Variants in R3HCC1L observed in about 807,000 individuals in gnomAD.
The protein encoded by R3HCC1L is coiled-coil domain-containing protein R3HCC1L.
In R3HCC1L, 51 loss-of-function variants were observed where a neutral mutation model predicts 59.9. That is an observed-to-expected ratio of 0.85 (90% CI 0.68 to 1.07). R3HCC1L has a LOEUF of 1.07. Among genes scored for constraint, R3HCC1L ranks in the 50% least tolerant of loss-of-function variants. The probability of loss-of-function intolerance (pLI) is 0.00; values close to 1 mark genes in which losing one functional copy is unlikely to be tolerated. For missense variants in R3HCC1L, 965 were observed against 933.0 expected (o/e 1.03, Z -0.45); for synonymous variants, 322 against 315.2 (o/e 1.02, Z -0.23).
intron 4 of R3HCC1L, among the ~76,000 whole-genome samples, chr10:98,186,121 A>G (rs1293880814): frequency 1.3e-5 from 2 of 152,200 alleles, no homozygotes; most frequent in Non-Finnish European, 2.9e-5. Context: ...GGGAGAGTAG[A>G]AGAAAGGACC....
At chr10:98,232,537 G>C (rs1358962417) in intron 6 of R3HCC1L, among the ~76,000 whole-genome samples, 2 of 152,176 alleles carry the variant, frequency 1.3e-5, no homozygotes, top group Non-Finnish European at 2.9e-5. Context: ...GGAATAAAGA[G>C]ATGATAATCC....
chr10:98,186,070 T>C (rs567372276), intron 4 of R3HCC1L, among the ~76,000 whole-genome samples: 2 of 152,326 alleles, frequency 1.3e-5, no homozygotes, highest in East Asian at 3.9e-4. Flanking sequence ...AATCTTGGTA[T>C]GTTTCTGTAG....
At chr10:98,236,918 T>C (rs1857027567) in intron 9 of R3HCC1L, among the ~76,000 whole-genome samples, 1 of 152,254 alleles carries the variant, frequency 6.6e-6, no homozygotes, top group Non-Finnish European at 1.5e-5. Context: ...TCCTGGAATC[T>C]GTGAAGGCAA....
intron 5 of R3HCC1L, among the ~76,000 whole-genome samples, chr10:98,212,318 G>A (rs1363071393): frequency 1.3e-5 from 2 of 152,122 alleles, no homozygotes; most frequent in African/African-American, 4.8e-5. Flanking sequence ...TCCAACTAAA[G>A]GTTTTTGGCT....
chr10:98,152,142 A>T (rs1263062466), intron 1 of R3HCC1L, among the ~76,000 whole-genome samples: 2 of 152,082 alleles, frequency 1.3e-5, no homozygotes, highest in African/African-American at 4.8e-5. Context: ...TTTGGTGGAG[A>T]CGGGGTTTCG....
At chr10:98,155,801 G>A (rs533107424) in intron 1 of R3HCC1L, among the ~76,000 whole-genome samples, 4 of 149,714 alleles carry the variant, frequency 2.7e-5, no homozygotes, top group South Asian at 2.1e-4. Flanking sequence ...TTGATTTACT[G>A]GTTTTTTTTT....
intron 9 of R3HCC1L, among the ~76,000 whole-genome samples, chr10:98,236,655 G>GT (rs1856996246): frequency 6.6e-6 from 1 of 152,184 alleles, no homozygotes; most frequent in Non-Finnish European, 1.5e-5. Context: ...ACAGTCCTGA[G>GT]TGGCTCCATT....
intron 1 of R3HCC1L, among the ~76,000 whole-genome samples, chr10:98,140,917 C>A (rs1019633935): frequency 1.3e-5 from 2 of 151,824 alleles, no homozygotes; most frequent in Non-Finnish European, 2.9e-5. Context: ...ATATAACTTA[C>A]TATAGAAAAC....
chr10:98,229,764 T>C (rs942724492), intron 5 of R3HCC1L, among the ~76,000 whole-genome samples: 7 of 152,188 alleles, frequency 4.6e-5, no homozygotes. Context: ...CATCAATACC[T>C]AATTTATTGA....
chr10:98,136,968 T>C (rs1178906215), intron 1 of R3HCC1L, among the ~76,000 whole-genome samples: 1 of 152,170 alleles, frequency 6.6e-6, no homozygotes, highest in East Asian at 1.9e-4. Context: ...CCTGGCACTT[T>C]GGGAGGCCGA....
In R3HCC1L at chr10:98,244,252, G is replaced by T; in HGVS notation, c.*94G>T. 2 of 1,188,338 alleles carry T rather than the reference G, an allele frequency of 1.7e-6. No homozygotes were observed. Among genetic ancestry groups the T allele is most frequent in the Non-Finnish European group, 2.5e-6 (2 of 807,082 alleles). 73.6% of individuals were successfully genotyped at this position (1,188,338 alleles called of 1,614,324 possible). On this transcript the variant is annotated 3_prime_UTR_variant, in exon 10 of 10. Coordinates refer to ENST00000298999, the MANE Select transcript of R3HCC1L (RefSeq NM_001351015.2). ...CCTTCCAGAGCTCTATGTACATGCA[G>T]ATGTGCATGTTAAAGAGATAAAGTG...
chr10:98,178,210 A>C (rs1252001472), intron 4 of R3HCC1L, among the ~76,000 whole-genome samples: 1 of 152,168 alleles, frequency 6.6e-6, no homozygotes, highest in Non-Finnish European at 1.5e-5. Context: ...CTAACATTTA[A>C]GTCTTTAATC....
At chr10:98,196,001 G>T (rs1382242921) in intron 4 of R3HCC1L, among the ~76,000 whole-genome samples, 1 of 152,178 alleles carries the variant, frequency 6.6e-6, no homozygotes, top group Non-Finnish European at 1.5e-5. Flanking sequence ...TTTTAAGGAA[G>T]ATTTTGAATA....
rs952798811 is a variant in R3HCC1L, at chr10:98,211,422, A to C, written c.1785+1523A>C. On this transcript the variant is annotated intron_variant, in intron 5 of 9. Coordinates refer to ENST00000298999, the MANE Select transcript of R3HCC1L (RefSeq NM_001351015.2). ...ACTGTCAGCCCATAATTAGAAAAAT[A>C]CTGTTCAGTAGAGGTTTGAGATCCA... The C allele has an allele frequency of 1.3e-5, 19 of 1,473,502 alleles. No homozygotes were observed. In the African/African-American group the frequency reaches 2.3e-4, roughly 17 times the overall value. The allele number at this position is 1,473,502 out of a possible 1,614,324, so 91.3% of individuals were successfully genotyped here.
At chr10:98,202,443 G>T (rs1338359337) in intron 4 of R3HCC1L, among the ~76,000 whole-genome samples, 1 of 152,170 alleles carries the variant, frequency 6.6e-6, no homozygotes, top group African/African-American at 2.4e-5. Context: ...TGTGCCTCAA[G>T]ATGTGATGCC....
intron 1 of R3HCC1L, among the ~76,000 whole-genome samples, chr10:98,137,156 A>AGT (rs1368198015): frequency 6.6e-6 from 1 of 152,022 alleles, no homozygotes; most frequent in Non-Finnish European, 1.5e-5. Flanking sequence ...GGTTGCAGTG[A>AGT]GCCGAGATCA....
At chr10:98,186,500 T>C (rs1850234746) in intron 4 of R3HCC1L, 1 of 983,170 alleles carries the variant, frequency 1.0e-6, no homozygotes, top group African/African-American at 1.7e-5. Flanking sequence ...TGGTGGATCT[T>C]ACATAAACCT....
At chr10:98,153,803 CA>C (rs10708491) in intron 1 of R3HCC1L, among the ~76,000 whole-genome samples, 61,365 of 135,104 alleles carry the variant, frequency 0.45, 12,687 homozygotes, top group South Asian at 0.58. Flanking sequence ...TGTTTTACAT[CA>C]AAAAAAAAAA....
intron 4 of R3HCC1L, among the ~76,000 whole-genome samples, chr10:98,186,172 A>C (rs1850207570): frequency 6.6e-6 from 1 of 152,168 alleles, no homozygotes; most frequent in Admixed American, 6.5e-5. Context: ...TATGGCCCAA[A>C]ATTCATTGAG....
Sources: gnomAD v4.1 joint callset for allele counts (sites outside exome capture counted in the v4.1 genomes callset) on GRCh38, gnomAD v4.1.1 for gene constraint, MANE v1.5 for transcripts, NCBI Gene and HGNC (gene_info 2026-07-23, HGNC 2026-07-21) for gene names.